L1TD1: variants seen among roughly 807,000 people sequenced by gnomAD.
The protein encoded by L1TD1 is LINE1 type transposase domain containing 1.
Under a neutral mutation model 25.7 loss-of-function variants are expected in L1TD1, and 26 were observed. The ratio of observed to expected loss-of-function variants is 1.01; its 90% CI spans 0.74 to 1.40. The LOEUF is 1.40. Ranked by LOEUF, L1TD1 falls within the 40% of genes most tolerant of loss-of-function variation. The pLI is 0.00. For missense variants in L1TD1, 1,130 were observed against 975.0 expected, an observed-to-expected ratio of 1.16 and a Z score of -2.12; for synonymous variants, 421 against 335.6, an observed-to-expected ratio of 1.25 and a Z score of -2.78.
intron 2 of L1TD1, among the ~76,000 whole-genome samples, chr1:62,205,323 A>T (rs1345687434): frequency 6.6e-6 from 1 of 150,446 alleles, no homozygotes; most frequent in Non-Finnish European, 1.5e-5. Flanking sequence ...GGGTGACAAG[A>T]ACAAGACTGT....
intron 2 of L1TD1, among the ~76,000 whole-genome samples, chr1:62,197,522 G>A (rs1570919617): frequency 6.6e-6 from 1 of 151,098 alleles, no homozygotes; most frequent in Middle Eastern, 3.5e-3. Context: ...GTTTTTTAGA[G>A]ATGGTTTTGC....
rs540884928 is a variant in L1TD1, at chr1:62,210,472, T to C, written c.1698T>C (p.His566=). 7.4e-6 allele frequency: 12 copies of C among 1,614,124 alleles called. No individual in the cohort carries two copies. Among genetic ancestry groups the C allele is most frequent in the South Asian group, 4.4e-5 (4 of 91,078 alleles). ...ASPSKSLEMS[H]DEHKKHSHTN... ...CCTCAAAGTCACTAGAGATGAGTCA[T>C]GATGAGCATAAAAAGCATTCACATA... The change falls in exon 4 of 4, where the codon CAT becomes CAC. Residue 566 remains histidine, a synonymous_variant. Transcript: ENST00000498273.
rs1447667211 is a variant in L1TD1 at position 62,205,441 on chromosome 1, A to ATTTTTTTTTTTTTTTTTTTTTTTTT, written c.-110-1077_-110-1076insTTTTTTTTTTTTTTTTTTTTTTTTT. Among the ~76,000 whole-genome samples, 7 of 53,876 alleles carry ATTTTTTTTTTTTTTTTTTTTTTTTT rather than the reference A, an allele frequency of 1.3e-4. 1 individual carries two copies. In the East Asian group the frequency reaches 1.4e-3, roughly 11 times the overall value. The allele number at this position is 53,876 out of a possible 152,430, so 35.3% of individuals were successfully genotyped here. On this transcript the variant is annotated intron_variant, in intron 2 of 3. Coordinates refer to ENST00000498273, the MANE Select transcript of L1TD1 (RefSeq NM_019079.5). ...TCTATATATATATATATATATATAT[A>ATTTTTTTTTTTTTTTTTTTTTTTTT]TATTTTTTTTTAGACAGTCTTGCTG...
rs757733831 is a variant in L1TD1 at position 62,209,999 on chromosome 1, G to A, written c.1225G>A (p.Glu409Lys). The A allele has an allele frequency of 6.8e-7, 1 of 1,470,880 alleles. No individual in the cohort carries two copies. The highest frequency in any genetic ancestry group is 1.1e-5 in the South Asian group (1 of 87,844). 91.1% of individuals were successfully genotyped at this position (1,470,880 alleles called of 1,614,324 possible). A position where few individuals can be genotyped will look rare whatever the true frequency, so the allele number is the denominator to read the frequency against. ...CTCAGGGCTGGAGGAGGAGGAGGAA[G>A]AGCCCTCAGGGCTGGAGGAGGAAGA... Reference protein sequence around the residue: ...DTSGLEEEEEEPSGLEEEEEE... With the variant: ...DTSGLEEEEEKPSGLEEEEEE... Residue 409 changes from glutamate (E) to lysine (K), a missense_variant, in exon 4 of 4, where the codon GAG (glutamate) becomes AAG (lysine). Transcript: ENST00000498273.
intron 1 of L1TD1, among the ~76,000 whole-genome samples, chr1:62,195,233 G>A (rs775582343): frequency 2.8e-4 from 43 of 151,898 alleles, no homozygotes; most frequent in Non-Finnish European, 1.3e-4. Context: ...GAGGCCCGAG[G>A]TGCCCCAGGC....
intron 2 of L1TD1, among the ~76,000 whole-genome samples, chr1:62,203,511 T>C (rs1329976322): frequency 6.6e-6 from 1 of 152,094 alleles, no homozygotes; most frequent in Non-Finnish European, 1.5e-5. Flanking sequence ...ACCTCCCAGG[T>C]TCAAGTGATT....
Position 62,209,871 on chromosome 1 carries a change from C to A in L1TD1, c.1097C>A (p.Ala366Asp). 6.2e-7 allele frequency: 1 copy of A among 1,614,026 alleles called. No individual in the cohort carries two copies. The highest frequency in any genetic ancestry group is 8.5e-7 in the Non-Finnish European group (1 of 1,180,000). ...CTATTTCTTAAAGAAGTAAAAGTTG[C>A]TAAGCCAGAGGAGATGAAAAACTTA... ...SFLFLKEVKV[A>D]KPEEMKNLET... Residue 366 changes from alanine to aspartate, a missense_variant, in exon 4 of 4, where the codon GCT (alanine) becomes GAT (aspartate). Physicochemically the swap from Ala to Asp is moderately radical, Grantham distance 126. Transcript: ENST00000498273.
chr1:62,200,604 G>C (rs989244542), intron 2 of L1TD1, among the ~76,000 whole-genome samples: 14 of 151,964 alleles, frequency 9.2e-5, no homozygotes, highest in Admixed American at 7.2e-4. Flanking sequence ...AAAGGACATT[G>C]TTTTCTAGTA....
intron 2 of L1TD1, among the ~76,000 whole-genome samples, chr1:62,199,932 T>C (rs1002868816): frequency 1.3e-5 from 2 of 152,176 alleles, no homozygotes; most frequent in Non-Finnish European, 2.9e-5. Context: ...CTGACTAATA[T>C]AATCTTTTTG....
At chr1:62,196,924 A>G (rs1447346341) in intron 2 of L1TD1, among the ~76,000 whole-genome samples, 1 of 151,706 alleles carries the variant, frequency 6.6e-6, no homozygotes, top group Non-Finnish European at 1.5e-5. Flanking sequence ...AAACAAGGGA[A>G]ATGACCTTGG....
At position 62,210,541 on chromosome 1, in the gene L1TD1, A is replaced by G. The variant is rs529756494; in HGVS notation, c.1767A>G (p.Thr589=). The change falls in exon 4 of 4, where the codon ACA becomes ACG. Residue 589 remains threonine, a synonymous_variant. Coordinates refer to ENST00000498273, the MANE Select transcript of L1TD1 (RefSeq NM_019079.5). ...ISTGVTKLKK[T]EEKKHRTLHT... The stretch of plus-strand genomic sequence containing the variant: ...CAGGAGTCACCAAACTTAAGAAAAC[A>G]GAAGAAAAGAAACACAGAACTCTGC... 5 of 1,612,804 alleles carry G rather than the reference A, an allele frequency of 3.1e-6. No individual in the cohort carries two copies. Among genetic ancestry groups the G allele is most frequent in the South Asian group, 1.1e-5 (1 of 90,688 alleles).
At chr1:62,207,658 T>A in intron 3 of L1TD1, 22 bp downstream of exon 3, 2 of 1,489,816 alleles carry the variant, frequency 1.3e-6, no homozygotes, top group South Asian at 2.7e-5. Context: ...AATGTATAAA[T>A]GTATAAAGCT....
intron 1 of L1TD1, among the ~76,000 whole-genome samples, chr1:62,195,511 T>C (rs1670516793): frequency 6.6e-6 from 1 of 152,182 alleles, no homozygotes; most frequent in South Asian, 2.1e-4. Context: ...CCCAGCACTT[T>C]GGGAAGCCGA....
chr1:62,211,038 T>A lies in L1TD1; in HGVS notation c.2264T>A (p.Leu755Gln). Reference protein sequence around the residue: ...RVPSKIDEKRLTPRHILVKFW... With the variant: ...RVPSKIDEKRQTPRHILVKFW... The stretch of plus-strand genomic sequence containing the variant: ...CCTAGTAAAATTGATGAAAAGAGAC[T>A]GACTCCTAGACACATCTTGGTGAAA... Residue 755 changes from leucine to glutamine, a missense_variant, in exon 4 of 4, where the codon CTG (leucine) becomes CAG (glutamine). Transcript: ENST00000498273. 1 of 1,549,684 alleles carries A rather than the reference T, an allele frequency of 6.5e-7. No homozygotes were observed. Among genetic ancestry groups the A allele is most frequent in the East Asian group, 2.4e-5 (1 of 40,884 alleles).
Position 62,210,067 on chromosome 1 carries a change from G to A in L1TD1, c.1293G>A (p.Gly431=), listed in dbSNP as rs751291044. 2.5e-6 allele frequency: 4 copies of A among 1,613,796 alleles called. No homozygotes were observed. In the South Asian group the frequency reaches 4.4e-5, roughly 18 times the overall value. ...ASGLEEDEAS[G]LEEEEEQTSE... ...GGTTGGAGGAGGATGAGGCCTCAGGGCTAGAGGAGGAAGAGGAACAGACTT... is the reference window on the plus strand; with the variant it reads ...GGTTGGAGGAGGATGAGGCCTCAGGACTAGAGGAGGAAGAGGAACAGACTT... The change falls in exon 4 of 4, where the codon GGG becomes GGA. Residue 431 remains glycine, a synonymous_variant. Transcript: ENST00000498273.
At chr1:62,205,443 A>ATATATATAT (rs1553122597) in intron 2 of L1TD1, among the ~76,000 whole-genome samples, 1 of 63,658 alleles carries the variant, frequency 1.6e-5, no homozygotes, top group African/African-American at 5.6e-5. Flanking sequence ...ATATATATAT[A>ATATATATAT]TTTTTTTTTA....
rs1158773471 is a variant in L1TD1, at chr1:62,207,370, G to A, written c.742G>A (p.Asp248Asn). The A allele has an allele frequency of 8.4e-6, 13 of 1,551,410 alleles. No homozygotes were observed. Among genetic ancestry groups the A allele is most frequent in the African/African-American group, 2.7e-5 (2 of 73,030 alleles). The change falls in exon 3 of 4, where the codon GAC becomes AAC. Residue 248 changes from aspartate to asparagine, a missense_variant. Physicochemically the swap from Asp to Asn is conservative, Grantham distance 23 (BLOSUM62 1). Coordinates refer to ENST00000498273, the MANE Select transcript of L1TD1 (RefSeq NM_019079.5). The stretch of plus-strand genomic sequence containing the variant: ...AGGAGCAGTACTTACCCTGGTAGCC[G>A]ACCTTTCATCAGCAACACTGGATAT... Reference protein sequence around the residue: ...DEGAVLTLVADLSSATLDISK... With the variant: ...DEGAVLTLVANLSSATLDISK...
chr1:62,210,035 G>GC lies in L1TD1; in HGVS notation c.1262dup (p.Ser422PhefsTer7). 6.2e-7 allele frequency: 1 copy of GC among 1,612,372 alleles called. No homozygotes were observed. Among genetic ancestry groups the GC allele is most frequent in the Admixed American group, 1.7e-5 (1 of 59,908 alleles). On this transcript the variant is annotated frameshift_variant, in exon 4 of 4. Transcript: ENST00000498273. LOFTEE classifies it low-confidence loss of function (END_TRUNC). Reference sequence around the variant, plus strand: ...GCTGGAGGAGGAAGAAGAAGAAGAGGCTTCAGGGTTGGAGGAGGATGAGGC... The same window carrying GC: ...GCTGGAGGAGGAAGAAGAAGAAGAGGCCTTCAGGGTTGGAGGAGGATGAGGC...
intron 2 of L1TD1, among the ~76,000 whole-genome samples, chr1:62,201,084 A>G (rs548381776): frequency 1.1e-3 from 170 of 152,114 alleles, no homozygotes; most frequent in African/African-American, 4.0e-3. Flanking sequence ...GCCCGCCATC[A>G]TGCCCAGCTA....
Sources: allele counts gnomAD v4.1 joint callset (sites outside exome capture counted in the v4.1 genomes callset), GRCh38; gene constraint gnomAD v4.1.1; transcripts MANE v1.5; gene names NCBI Gene and HGNC (gene_info 2026-07-23, HGNC 2026-07-21).